EYA4: variants seen among roughly 807,000 people sequenced by gnomAD.
The protein encoded by EYA4 is protein phosphatase EYA4.
In EYA4, 31 loss-of-function variants were observed where a neutral mutation model predicts 87.9. That is an observed-to-expected ratio of 0.35 (90% CI 0.27 to 0.48). The LOEUF (loss-of-function observed/expected upper bound fraction) is 0.48, where lower values mean the gene tolerates loss of function less well. Among genes scored for constraint, EYA4 ranks in the 20% least tolerant of loss-of-function variants. The probability of loss-of-function intolerance (pLI) is 0.99; values close to 1 mark genes in which losing one functional copy is unlikely to be tolerated. For missense variants in EYA4, 678 were observed against 761.4 expected, an observed-to-expected ratio of 0.89 and a Z score of 1.29; for synonymous variants, 263 against 270.6, an observed-to-expected ratio of 0.97 and a Z score of 0.28.
chr6:133,392,927 G>T (rs1225857926), intron 3 of EYA4, among the ~76,000 whole-genome samples: 1 of 152,150 alleles, frequency 6.6e-6, no homozygotes, highest in South Asian at 2.1e-4. Context: ...ACTGTTAGCT[G>T]CTTGAGTTAA....
intron 3 of EYA4, among the ~76,000 whole-genome samples, chr6:133,382,737 T>C (rs1445692814): frequency 6.6e-6 from 1 of 150,562 alleles, no homozygotes; most frequent in African/African-American, 2.4e-5. Flanking sequence ...TTTCTTTTTA[T>C]AATGTTTTGA....
intron 3 of EYA4, among the ~76,000 whole-genome samples, chr6:133,409,444 A>G (rs1789017558): frequency 6.6e-6 from 1 of 152,210 alleles, no homozygotes; most frequent in African/African-American, 2.4e-5. Flanking sequence ...AAAAAGAAAA[A>G]TACTGCATGA....
intron 11 of EYA4, among the ~76,000 whole-genome samples, chr6:133,476,315 G>A (rs149732029): frequency 0.012 from 1,867 of 151,998 alleles, 19 homozygotes; most frequent in Non-Finnish European, 0.02. Context: ...TTGTTACTAC[G>A]TATAGTAACA....
At chr6:133,459,547 G>A (rs574925118) in intron 6 of EYA4, among the ~76,000 whole-genome samples, 3 of 152,014 alleles carry the variant, frequency 2.0e-5, no homozygotes, top group Non-Finnish European at 4.4e-5. Context: ...AAGAAGAGAC[G>A]AAAGAATATT....
chr6:133,363,997 G>A (rs1034151105), intron 2 of EYA4, among the ~76,000 whole-genome samples: 1 of 152,188 alleles, frequency 6.6e-6, no homozygotes, highest in African/African-American at 2.4e-5. Context: ...AAGTACCTGG[G>A]CCTGCCTCAC....
At chr6:133,476,791 G>C (rs1035613695) in intron 11 of EYA4, among the ~76,000 whole-genome samples, 8 of 152,036 alleles carry the variant, frequency 5.3e-5, no homozygotes, top group African/African-American at 1.9e-4. Flanking sequence ...TGGATCATAT[G>C]GTAGTTCCGT....
intron 3 of EYA4, among the ~76,000 whole-genome samples, chr6:133,440,874 G>A (rs1183238788): frequency 6.6e-6 from 1 of 152,066 alleles, no homozygotes; most frequent in African/African-American, 2.4e-5. Context: ...AGCTAAGTTT[G>A]GATTTCTCAG....
At chr6:133,451,356 G>A (rs960434845) in intron 5 of EYA4, among the ~76,000 whole-genome samples, 5 of 152,160 alleles carry the variant, frequency 3.3e-5, no homozygotes, top group African/African-American at 4.8e-5. Context: ...ATCTATATGT[G>A]TATACATAAG....
intron 13 of EYA4, among the ~76,000 whole-genome samples, chr6:133,496,458 TGGG>T (rs1797655174): frequency 6.6e-6 from 1 of 152,158 alleles, no homozygotes; most frequent in African/African-American, 2.4e-5. Context: ...AATGTACAGA[TGGG>T]GGACTGGAGA....
Position 133,530,485 on chromosome 6 carries a change from G to A in EYA4, c.*1680G>A. ...GCACCTGCAGTTCTGTGTTTAAAAT[G>A]TCATAATGTGGATCCTGGAGTCAGG... is the stretch of plus-strand genomic sequence containing the variant. On this transcript the variant is annotated 3_prime_UTR_variant, in exon 20 of 20. Transcript: ENST00000355286. 1.0e-6 allele frequency: 1 copy of A among 985,810 alleles called. No individual in the cohort carries two copies. Among genetic ancestry groups the A allele is most frequent in the Non-Finnish European group, 1.2e-6 (1 of 829,914 alleles). The allele number at this position is 985,810 out of a possible 1,614,324, so 61.1% of individuals were successfully genotyped here.
intron 3 of EYA4, among the ~76,000 whole-genome samples, chr6:133,383,747 C>A (rs1328293282): frequency 1.3e-5 from 2 of 151,972 alleles, no homozygotes; most frequent in South Asian, 2.1e-4. Context: ...GATTTTTGAT[C>A]TTTGATCTTT....
chr6:133,531,326 C>A lies in EYA4; in HGVS notation c.*2521C>A. On this transcript the variant is annotated 3_prime_UTR_variant, in exon 20 of 20. Coordinates refer to ENST00000355286, the MANE Select transcript of EYA4 (RefSeq NM_004100.5). ...GCTTGGCCATGGGACGTTGAGTATG[C>A]ACAAACTAGAACTCTTCCCTTCCCA... The A allele has an allele frequency of 1.2e-6, 1 of 847,880 alleles. No homozygotes were observed. The highest frequency in any genetic ancestry group is 2.1e-5 in the Admixed American group (1 of 47,356). 52.5% of individuals were successfully genotyped at this position (847,880 alleles called of 1,614,324 possible).
chr6:133,390,044 A>G lies in EYA4; in HGVS notation c.83+7603A>G, dbSNP rs115489663. ...CCATATGGTGTTGCCGTGTTGGTCA[A>G]TTGATCAGGCAGTATTCAGTAGACA... On this transcript the variant is annotated intron_variant, in intron 3 of 19. Transcript: ENST00000355286. Among the ~76,000 whole-genome samples, 1,116 of 152,226 alleles carry G rather than the reference A, an allele frequency of 7.3e-3. 15 individuals carry two copies. The highest frequency in any genetic ancestry group is 0.026 in the African/African-American group (1,062 of 41,530).
chr6:133,488,946 G>C (rs1275345168), intron 13 of EYA4, among the ~76,000 whole-genome samples: 1 of 152,208 alleles, frequency 6.6e-6, no homozygotes, highest in African/African-American at 2.4e-5. Flanking sequence ...GAGAGATGGA[G>C]ATATGTGACC....
intron 19 of EYA4, among the ~76,000 whole-genome samples, chr6:133,526,821 A>G (rs1036686477): frequency 7.9e-5 from 12 of 152,184 alleles, no homozygotes; most frequent in Non-Finnish European, 1.8e-4. Flanking sequence ...GTTATACACA[A>G]CAAAGAGCAG....
At chr6:133,413,482 T>C (rs1456023373) in intron 3 of EYA4, among the ~76,000 whole-genome samples, 1 of 152,132 alleles carries the variant, frequency 6.6e-6, no homozygotes, top group East Asian at 1.9e-4. Context: ...TTTATCACTA[T>C]TGACGTGTTA....
rs1203130098 is a variant in EYA4 at position 133,530,916 on chromosome 6, T to C, written c.*2111T>C. On this transcript the variant is annotated 3_prime_UTR_variant, in exon 20 of 20. Transcript: ENST00000355286. Reference sequence around the variant, plus strand: ...AATAGCAGTTAAAAAAATTTAAATGTTGCCTTGATTATCAGTACTTAATTA... The same window carrying C: ...AATAGCAGTTAAAAAAATTTAAATGCTGCCTTGATTATCAGTACTTAATTA... 1 of 1,120,228 alleles carries C rather than the reference T, an allele frequency of 8.9e-7. No homozygotes were observed. Among genetic ancestry groups the C allele is most frequent in the Non-Finnish European group, 1.1e-6 (1 of 916,384 alleles). The allele number at this position is 1,120,228 out of a possible 1,614,324, so 69.4% of individuals were successfully genotyped here.
At chr6:133,501,082 C>T (rs554218650) in intron 13 of EYA4, among the ~76,000 whole-genome samples, 17 of 152,158 alleles carry the variant, frequency 1.1e-4, no homozygotes, top group East Asian at 7.8e-4. Context: ...TGTGTATGTT[C>T]GCTACTATTG....
At chr6:133,476,779 G>A (rs1229033267) in intron 11 of EYA4, among the ~76,000 whole-genome samples, 1 of 152,056 alleles carries the variant, frequency 6.6e-6, no homozygotes, top group Admixed American at 6.6e-5. Context: ...CGGTGTGATT[G>A]CTGGATCATA....
Sources: gnomAD v4.1 joint callset for allele counts (sites outside exome capture counted in the v4.1 genomes callset) on GRCh38, gnomAD v4.1.1 for gene constraint, MANE v1.5 for transcripts, NCBI Gene and HGNC (gene_info 2026-07-23, HGNC 2026-07-21) for gene names.